Variants in USP1 observed in about 807,000 individuals in gnomAD.
The protein encoded by USP1 is ubiquitin specific peptidase 1.
USP1 carries 18 observed loss-of-function variants against 72.2 expected under a neutral mutation model. That is an observed-to-expected ratio of 0.25 (90% CI 0.17 to 0.37). USP1 has a LOEUF of 0.37. USP1 is among the 10% of genes least tolerant of loss of function. The pLI is 1.00. For synonymous variants in USP1, 354 were observed against 303.7 expected, an observed-to-expected ratio of 1.17 and a Z score of -1.72; for missense variants, 759 against 884.9, an observed-to-expected ratio of 0.86 and a Z score of 1.81.
intron 6 of USP1, 140 bp downstream of exon 6, chr1:62,445,569 T>C (rs1645165983): frequency 2.7e-6 from 2 of 749,680 alleles, no homozygotes; most frequent in Non-Finnish European, 4.1e-6. Context: ...GAATGTGAAC[T>C]ATGGTGTTTT....
chr1:62,444,201 G>A (rs1326078484), intron 5 of USP1, among the ~76,000 whole-genome samples: 2 of 147,244 alleles, frequency 1.4e-5, no homozygotes, highest in African/African-American at 5.1e-5. Context: ...GGCGGTTGCA[G>A]TGAGCCAAGA....
rs375736938 is a variant in USP1 at position 62,450,559 on chromosome 1, A to G, written c.1936A>G (p.Ile646Val). ...VENYNDEEVS[I>V]RVGGNTQPSK... ...GAATTATAATGATGAAGAAGTGTCA[A>G]TTAGAGTTGGTGGAAATACACAGCC... Residue 646 changes from isoleucine to valine, a missense_variant, in exon 9 of 9, where the codon ATT (isoleucine) becomes GTT (valine). By Grantham distance (29) the Ile-to-Val change is conservative. Transcript: ENST00000339950. 88 of 1,614,020 alleles carry G rather than the reference A, an allele frequency of 5.5e-5. No individual in the cohort carries two copies. The African/African-American group carries it at 6.8e-4, about 12-fold the overall frequency.
At chr1:62,436,853 T>G, upstream of USP1, 3 of 344,108 alleles carry the variant, frequency 8.7e-6, no homozygotes, top group Non-Finnish European at 1.0e-5. Context: ...GTGGAACCCG[T>G]TAGGCTTTTG....
chr1:62,447,738 C>A (rs1337191028), intron 7 of USP1, among the ~76,000 whole-genome samples: 1 of 152,028 alleles, frequency 6.6e-6, no homozygotes, highest in African/African-American at 2.4e-5. Flanking sequence ...AACTGAAATG[C>A]TTTAATAAGT....
In USP1 at chr1:62,450,701, C is replaced by G. The variant is rs147533515; in HGVS notation, c.2078C>G (p.Thr693Arg). ...KASNPDKVASTAFAENRNSET... is the reference protein window; with the variant it reads ...KASNPDKVASRAFAENRNSET... ...TCTAATCCTGATAAGGTTGCTAGTA[C>G]AGCGTTTGCTGAAAATAGAAATTCT... The change falls in exon 9 of 9, where the codon ACA (threonine) becomes AGA (arginine). Residue 693 changes from threonine to arginine, a missense_variant. This residue lies in a region of USP1 where 159 missense variants were observed against 140.9 expected (regional missense o/e 1.13). Transcript: ENST00000339950. 2 of 1,613,978 alleles carry G rather than the reference C, an allele frequency of 1.2e-6. No individual in the cohort carries two copies. Among genetic ancestry groups the G allele is most frequent in the Non-Finnish European group, 1.7e-6 (2 of 1,180,018 alleles).
chr1:62,445,018 A>G lies in USP1; in HGVS notation c.838A>G (p.Met280Val), dbSNP rs768773294. 27 of 1,613,172 alleles carry G rather than the reference A, an allele frequency of 1.7e-5. No individual in the cohort carries two copies. In the South Asian group the frequency reaches 2.5e-4, roughly 15 times the overall value. The change falls in exon 6 of 9, where the codon ATG becomes GTG. Residue 280 changes from methionine (M) to valine (V), a missense_variant. By Grantham distance (21) the Met-to-Val change is conservative. This residue lies in a region of USP1 where 245 missense variants were observed against 240.7 expected (regional missense o/e 1.02). Transcript: ENST00000339950. ...AAAAAGTGACACTGAATTTGGTAAC[A>G]TGAAGAAAAAAGTTAAATTATCCAA... is the stretch of plus-strand genomic sequence containing the variant. The part of the protein sequence containing the change: ...KRKSDTEFGN[M>V]KKKVKLSKEH...
intron 6 of USP1, among the ~76,000 whole-genome samples, chr1:62,445,776 C>G (rs912510961): frequency 1.1e-4 from 17 of 152,040 alleles, no homozygotes; most frequent in African/African-American, 3.9e-4. Flanking sequence ...GTCAGGAGTT[C>G]AAGAGCAGCC....
Position 62,437,308 on chromosome 1 carries a change from G to A in USP1, c.-162G>A, listed in dbSNP as rs1484899246. The A allele has an allele frequency of 1.3e-5, 5 of 396,578 alleles. No homozygotes were observed. The highest frequency in any genetic ancestry group is 2.2e-5 in the Non-Finnish European group (5 of 225,312). 24.6% of individuals were successfully genotyped at this position (396,578 alleles called of 1,614,324 possible). ...TTTCCTGGGGCCGGGGACCCGGCGG[G>A]CTCGGGGCAGGGACTCACCTGTCGC... is the stretch of plus-strand genomic sequence containing the variant. On this transcript the variant is annotated 5_prime_UTR_variant, in exon 1 of 9. Coordinates refer to ENST00000339950, the MANE Select transcript of USP1 (RefSeq NM_003368.5).
chr1:62,437,504 G>A (rs1006187910), intron 1 of USP1, 104 bp downstream of exon 1: 14 of 244,150 alleles, frequency 5.7e-5, no homozygotes, highest in African/African-American at 2.5e-4. Context: ...TGTTGGCCTC[G>A]CACCCTGGTC....
intron 1 of USP1, among the ~76,000 whole-genome samples, chr1:62,437,814 C>A (rs575548077): frequency 1.3e-5 from 2 of 152,220 alleles, no homozygotes; most frequent in African/African-American, 2.4e-5. Context: ...CATTTTCTTT[C>A]ACTTACACTT....
intron 2 of USP1, among the ~76,000 whole-genome samples, chr1:62,440,902 G>C (rs1645130254): frequency 6.6e-6 from 1 of 152,114 alleles, no homozygotes; most frequent in South Asian, 2.1e-4. Context: ...GCCCAGGCTG[G>C]TCTTGAATTC....
chr1:62,445,989 CAA>C (rs1285219174), intron 6 of USP1, among the ~76,000 whole-genome samples: 1 of 151,246 alleles, frequency 6.6e-6, no homozygotes, highest in East Asian at 2.1e-4. Context: ...CAAAAAAAAA[CAA>C]ATAATAATAA....
chr1:62,448,011 C>A (rs1177872827), intron 7 of USP1, among the ~76,000 whole-genome samples: 2 of 152,128 alleles, frequency 1.3e-5, no homozygotes, highest in African/African-American at 2.4e-5. Flanking sequence ...TGGTCTCAAT[C>A]TCCTGACCTC....
At chr1:62,445,598 A>AGT (rs773497006) in intron 6 of USP1, among the ~76,000 whole-genome samples, 169 bp downstream of exon 6, 2 of 147,348 alleles carry the variant, frequency 1.4e-5, no homozygotes, top group East Asian at 3.9e-4. Context: ...TGCTTAGATT[A>AGT]GTGTGTGTGT....
intron 3 of USP1, 52 bp downstream of exon 3, chr1:62,441,660 G>A (rs1341717287): frequency 3.9e-6 from 6 of 1,553,626 alleles, no homozygotes; most frequent in African/African-American, 1.4e-5. Context: ...AAAGATTGAT[G>A]TAGCATTTAA....
In USP1 at chr1:62,444,904, G is replaced by A. The variant is rs1645159524; in HGVS notation, c.724G>A (p.Glu242Lys). The A allele has an allele frequency of 1.2e-6, 2 of 1,613,530 alleles. No individual in the cohort carries two copies. The highest frequency in any genetic ancestry group is 1.7e-6 in the Non-Finnish European group (2 of 1,179,830). ...AGAAGAAATACCTCATCCGAAAGAG[G>A]AAATGAATGGTATTAACAGCATAGA... ...KVEEIPHPKE[E>K]MNGINSIEMD... The change falls in exon 6 of 9, where the codon GAA becomes AAA. Residue 242 changes from glutamate (E) to lysine (K), a missense_variant. Glu to Lys is a moderately conservative substitution (Grantham distance 56). This residue lies in a region of USP1 where 245 missense variants were observed against 240.7 expected (regional missense o/e 1.02). Transcript: ENST00000339950.
At position 62,437,137 on chromosome 1, in the gene USP1, T is replaced by A; in HGVS notation, c.-333T>A. 2.5e-6 allele frequency: 1 copy of A among 399,084 alleles called. No individual in the cohort carries two copies. The allele number at this position is 399,084 out of a possible 1,614,324, so 24.7% of individuals were successfully genotyped here. ...CGAGCGGGGCCGCTGCTTGTTGCGC[T>A]CCTGGCTCTCCCGGGGCGGGCGCAG... On this transcript the variant is annotated 5_prime_UTR_variant, in exon 1 of 9. Transcript: ENST00000339950.
Position 62,450,546 on chromosome 1 carries a change from T to G in USP1, c.1923T>G (p.Asp641Glu), listed in dbSNP as rs751183570. 1 of 1,613,966 alleles carries G rather than the reference T, an allele frequency of 6.2e-7. No homozygotes were observed. The highest frequency in any genetic ancestry group is 2.2e-5 in the East Asian group (1 of 44,878). Residue 641 changes from aspartate (D) to glutamate (E), a missense_variant, in exon 9 of 9, where the codon GAT becomes GAG. Transcript: ENST00000339950. ...EARGVVENYN[D>E]EEVSIRVGGN... is the part of the protein sequence containing the mutation. ...GGGGTGTGGTTGAGAATTATAATGA[T>G]GAAGAAGTGTCAATTAGAGTTGGTG...
upstream of USP1, chr1:62,436,789 C>T (rs948522398): frequency 8.3e-6 from 2 of 241,714 alleles, no homozygotes; most frequent in Admixed American, 5.6e-5. Context: ...CGCGCGCGCC[C>T]TCAGCGAGGA....
Sources: gnomAD v4.1 joint callset for allele counts (sites outside exome capture counted in the v4.1 genomes callset) on GRCh38, gnomAD v4.1.1 for gene constraint, gnomAD v4.1.1 regional missense constraint, MANE v1.5 for transcripts, NCBI Gene and HGNC (gene_info 2026-07-23, HGNC 2026-07-21) for gene names.